The following RBFOX1 variants were observed in gnomAD, a reference collection of about 807,000 sequenced individuals.
The protein encoded by RBFOX1 is RNA binding protein fox-1 homolog 1.
RBFOX1 carries 8 observed loss-of-function variants against 57.7 expected under a neutral mutation model. That is an observed-to-expected ratio of 0.14 (90% CI 0.08 to 0.25). The LOEUF (loss-of-function observed/expected upper bound fraction) is 0.25, where lower values mean the gene tolerates loss of function less well. Among genes scored for constraint, RBFOX1 ranks in the 10% least tolerant of loss-of-function variants. The pLI is 1.00. For missense variants in RBFOX1, 611 were observed against 548.5 expected, an observed-to-expected ratio of 1.11 and a Z score of -1.14; for synonymous variants, 326 against 222.4, an observed-to-expected ratio of 1.47 and a Z score of -4.15.
At chr16:5,386,382 C>T (rs1414975994) in intron 1 of RBFOX1, among the ~76,000 whole-genome samples, 1 of 152,088 alleles carries the variant, frequency 6.6e-6, no homozygotes, top group Non-Finnish European at 1.5e-5. Context: ...TAGACGGCCT[C>T]AGGTGATTAA....
intron 4 of RBFOX1, among the ~76,000 whole-genome samples, chr16:7,068,040 C>T (rs536380693): frequency 3.4e-5 from 5 of 148,772 alleles, no homozygotes; most frequent in Admixed American, 1.4e-4. Flanking sequence ...TGGTTTGACT[C>T]TCTCGTGCCT....
intron 3 of RBFOX1, among the ~76,000 whole-genome samples, chr16:6,760,850 G>A (rs2076499577): frequency 6.6e-6 from 1 of 152,120 alleles, no homozygotes. Context: ...CCAGGGAGTG[G>A]CGCTGCCTCT....
At chr16:5,325,219 C>T (rs745406008) in intron 1 of RBFOX1, among the ~76,000 whole-genome samples, 1 of 152,170 alleles carries the variant, frequency 6.6e-6, no homozygotes, top group Middle Eastern at 3.4e-3. Flanking sequence ...CTTCCCTCTT[C>T]TTGTCTCCTC....
chr16:6,565,829 C>T (rs79065940), intron 2 of RBFOX1, among the ~76,000 whole-genome samples: 4,093 of 152,294 alleles, frequency 0.027, 165 homozygotes, highest in African/African-American at 0.084. Context: ...GAAGGATTAG[C>T]AGCTATGTGA....
At chr16:7,374,996 G>C (rs978600884) in intron 4 of RBFOX1, among the ~76,000 whole-genome samples, 2 of 152,198 alleles carry the variant, frequency 1.3e-5, no homozygotes, top group Non-Finnish European at 2.9e-5. Flanking sequence ...TTGGTGAGAG[G>C]AGATGTAGAG....
intron 4 of RBFOX1, among the ~76,000 whole-genome samples, chr16:7,365,735 A>G (rs1240670406): frequency 3.3e-5 from 5 of 152,246 alleles, no homozygotes; most frequent in African/African-American, 1.2e-4. Context: ...GTGCAGAGAT[A>G]GAGAAACCCT....
At chr16:6,777,913 C>G (rs1266460854) in intron 3 of RBFOX1, among the ~76,000 whole-genome samples, 2 of 152,088 alleles carry the variant, frequency 1.3e-5, no homozygotes, top group Non-Finnish European at 2.9e-5. Flanking sequence ...ATGACTTTTT[C>G]TGAGCTTTCC....
intron 2 of RBFOX1, among the ~76,000 whole-genome samples, chr16:6,478,423 A>ATTTT (rs1404224606): frequency 2.7e-3 from 32 of 11,964 alleles, no homozygotes; most frequent in Non-Finnish European, 4.4e-3. Context: ...ATATATATAT[A>ATTTT]TATATATTTT....
chr16:6,267,231 T>C (rs2074619679), intron 1 of RBFOX1, among the ~76,000 whole-genome samples: 1 of 152,140 alleles, frequency 6.6e-6, no homozygotes, highest in South Asian at 2.1e-4. Flanking sequence ...ATTTGGAGTA[T>C]ATGGGCAGAA....
intron 3 of RBFOX1, among the ~76,000 whole-genome samples, chr16:6,823,271 T>C (rs942835881): frequency 3.3e-5 from 5 of 151,938 alleles, no homozygotes; most frequent in Admixed American, 2.0e-4. Flanking sequence ...TTCTTTTTTT[T>C]CCCCAGAAAG....
chr16:7,047,636 A>T (rs546984022), intron 3 of RBFOX1, among the ~76,000 whole-genome samples: 5 of 140,364 alleles, frequency 3.6e-5, no homozygotes, highest in Non-Finnish European at 7.7e-5. Context: ...TTTGCAGTGA[A>T]CTCTTTATCC....
intron 2 of RBFOX1, among the ~76,000 whole-genome samples, chr16:6,597,588 G>T (rs2097789523): frequency 6.6e-6 from 1 of 152,118 alleles, no homozygotes; most frequent in Non-Finnish European, 1.5e-5. Context: ...CAGGAGAATG[G>T]CGTGAACCCG....
intron 4 of RBFOX1, among the ~76,000 whole-genome samples, chr16:7,505,152 A>G (rs1161333500): frequency 6.6e-6 from 1 of 150,418 alleles, no homozygotes. Context: ...TCAACAAAAC[A>G]TTTTGAATGC....
chr16:5,711,128 C>G (rs1001750415), intron 3 of RBFOX1, among the ~76,000 whole-genome samples: 8 of 152,202 alleles, frequency 5.3e-5, no homozygotes, highest in Admixed American at 2.0e-4. Flanking sequence ...GAGAGATTCT[C>G]TGCAGGCATG....
chr16:5,626,033 C>T (rs958723595), intron 3 of RBFOX1, among the ~76,000 whole-genome samples: 5 of 152,168 alleles, frequency 3.3e-5, no homozygotes, highest in East Asian at 1.9e-4. Flanking sequence ...TGTGCCACCA[C>T]GCCTGGCTAA....
chr16:6,636,780 T>TA (rs2098437494), intron 2 of RBFOX1, among the ~76,000 whole-genome samples: 1 of 9,712 alleles, frequency 1.0e-4, no homozygotes, highest in Non-Finnish European at 3.2e-4. Flanking sequence ...ATATAATATA[T>TA]ATAATATATA....
At chr16:7,364,309 T>C (rs1047996569) in intron 4 of RBFOX1, among the ~76,000 whole-genome samples, 1 of 152,130 alleles carries the variant, frequency 6.6e-6, no homozygotes, top group African/African-American at 2.4e-5. Flanking sequence ...TTGCAGTTAC[T>C]ATGGAGAAAG....
intron 3 of RBFOX1, among the ~76,000 whole-genome samples, chr16:5,734,280 A>C (rs1269699352): frequency 6.6e-6 from 1 of 151,996 alleles, no homozygotes; most frequent in Non-Finnish European, 1.5e-5. Context: ...CCTGGGCAAC[A>C]GAGACCCCAC....
chr16:6,197,426 A>G (rs2097187095), intron 1 of RBFOX1, among the ~76,000 whole-genome samples: 2 of 152,016 alleles, frequency 1.3e-5, no homozygotes, highest in Non-Finnish European at 2.9e-5. Flanking sequence ...GTTTCAGCTT[A>G]CCCATGTTGG....
Sources: gnomAD v4.1 joint callset for allele counts (sites outside exome capture counted in the v4.1 genomes callset) on GRCh38, gnomAD v4.1.1 for gene constraint, MANE v1.5 for transcripts, NCBI Gene and HGNC (gene_info 2026-07-23, HGNC 2026-07-21) for gene names.